The following KAZN variants were observed in gnomAD, a reference collection of about 807,000 sequenced individuals.
KAZN encodes kazrin.
A neutral mutation model predicts 87.4 loss-of-function variants in KAZN; 40 were observed. The ratio of observed to expected loss-of-function variants is 0.46; its 90% CI spans 0.36 to 0.60. The LOEUF (loss-of-function observed/expected upper bound fraction) is 0.60, where lower values mean the gene tolerates loss of function less well. Among genes scored for constraint, KAZN ranks in the 20% least tolerant of loss-of-function variants. KAZN has a pLI of 0.00. For synonymous variants in KAZN, 466 were observed against 458.3 expected (o/e 1.02, Z -0.22); for missense variants, 898 against 1,073.9 (o/e 0.84, Z 2.29).
intron 2 of KAZN, among the ~76,000 whole-genome samples, chr1:14,252,866 A>T (rs1173934277): frequency 6.6e-6 from 1 of 152,124 alleles, no homozygotes; most frequent in African/African-American, 2.4e-5. Context: ...TGTAGACATC[A>T]GGGTTCCAGG....
chr1:14,369,117 G>C (rs1660258777), intron 2 of KAZN, among the ~76,000 whole-genome samples: 2 of 152,190 alleles, frequency 1.3e-5, no homozygotes, highest in Admixed American at 1.3e-4. Context: ...TGTTTCTGCA[G>C]CGTAGCCTCA....
chr1:13,893,498 G>C (rs1638915541), exon 1 of KAZN: 1 of 1,150,528 alleles, frequency 8.7e-7, no homozygotes, highest in African/African-American at 1.6e-5. Context: ...CAAGGAAAGG[G>C]TGGCGAAAGG....
At chr1:14,808,884 C>G (rs1051241580) in intron 1 of KAZN, among the ~76,000 whole-genome samples, 5 of 152,144 alleles carry the variant, frequency 3.3e-5, no homozygotes, top group African/African-American at 1.2e-4. Context: ...TGAATCCTAG[C>G]ACACTGGAGA....
chr1:14,158,396 C>G (rs190403327), intron 1 of KAZN, among the ~76,000 whole-genome samples: 9 of 151,966 alleles, frequency 5.9e-5, no homozygotes, highest in Non-Finnish European at 1.0e-4. Context: ...TTAAAAGACT[C>G]TGATACATTT....
intron 8 of KAZN, among the ~76,000 whole-genome samples, chr1:15,093,568 G>A (rs1288754704): frequency 6.6e-6 from 1 of 152,026 alleles, no homozygotes; most frequent in Non-Finnish European, 1.5e-5. Flanking sequence ...TTTACATAAG[G>A]TAACATAGAC....
At chr1:14,858,285 T>A (rs1262392792) in intron 1 of KAZN, among the ~76,000 whole-genome samples, 3 of 146,762 alleles carry the variant, frequency 2.0e-5, no homozygotes, top group Non-Finnish European at 4.5e-5. Flanking sequence ...CCATCTTGGC[T>A]CACCGCAACC....
At chr1:13,945,546 C>G (rs934379817) in intron 1 of KAZN, among the ~76,000 whole-genome samples, 1 of 150,570 alleles carries the variant, frequency 6.6e-6, no homozygotes, top group African/African-American at 2.4e-5. Context: ...GTTCTGTGCA[C>G]TTTGCTAATA....
chr1:14,881,042 C>T (rs766609725), intron 1 of KAZN, among the ~76,000 whole-genome samples: 8 of 152,190 alleles, frequency 5.3e-5, no homozygotes, highest in Non-Finnish European at 1.0e-4. Context: ...GCTCCTGAGG[C>T]CTCTGTGAAG....
intron 1 of KAZN, among the ~76,000 whole-genome samples, chr1:14,075,077 G>A (rs946683678): frequency 6.6e-6 from 1 of 152,160 alleles, no homozygotes; most frequent in Non-Finnish European, 1.5e-5. Flanking sequence ...AAGATGGGGT[G>A]AGGGGGCTGC....
At chr1:13,975,446 A>G (rs1226444022) in intron 1 of KAZN, among the ~76,000 whole-genome samples, 2 of 152,216 alleles carry the variant, frequency 1.3e-5, no homozygotes, top group East Asian at 3.9e-4. Context: ...TTTCCTCTGC[A>G]CTTAGAACCA....
chr1:14,683,326 C>T (rs1398119140), intron 1 of KAZN, among the ~76,000 whole-genome samples: 4 of 152,142 alleles, frequency 2.6e-5, no homozygotes, highest in Non-Finnish European at 5.9e-5. Context: ...AAAGAAGATG[C>T]GTAGGTCAAA....
At chr1:14,239,687 C>T (rs771202469) in intron 2 of KAZN, among the ~76,000 whole-genome samples, 4 of 151,690 alleles carry the variant, frequency 2.6e-5, no homozygotes, top group Admixed American at 6.6e-5. Flanking sequence ...CTCGAACTCC[C>T]GACCTCAGGT....
At chr1:15,093,120 C>G (rs1428653594) in intron 8 of KAZN, among the ~76,000 whole-genome samples, 2 of 152,008 alleles carry the variant, frequency 1.3e-5, no homozygotes, top group Non-Finnish European at 2.9e-5. Flanking sequence ...AATTACGGAG[C>G]CTCCTTCTGA....
At position 14,924,157 on chromosome 1, in the gene KAZN, G is replaced by A. The variant is rs1275774353; in HGVS notation, c.227-36527G>A. 2.5e-5 allele frequency: 25 copies of A among 982,290 alleles called. 1 individual carries two copies. In the Admixed American group the frequency reaches 1.6e-3, roughly 61 times the overall value. The allele number at this position is 982,290 out of a possible 1,614,324, so 60.8% of individuals were successfully genotyped here. A position where few individuals can be genotyped will look rare whatever the true frequency, so the allele number is the denominator to read the frequency against. ...CCGTTCCCACGTGAGAGGCTCCGCG[G>A]CCGAATTCCTCGCGTGCAGCAGGCG... On this transcript the variant is annotated intron_variant, in intron 1 of 14. Coordinates refer to ENST00000376030, the MANE Select transcript of KAZN (RefSeq NM_201628.3).
chr1:14,085,184 T>C (rs1643817241), intron 1 of KAZN, among the ~76,000 whole-genome samples: 1 of 152,252 alleles, frequency 6.6e-6, no homozygotes, highest in Non-Finnish European at 1.5e-5. Flanking sequence ...CAGTGGTTTG[T>C]AGAAACTATT....
At chr1:14,213,376 C>T (rs942555117) in intron 2 of KAZN, among the ~76,000 whole-genome samples, 9 of 152,134 alleles carry the variant, frequency 5.9e-5, no homozygotes, top group Non-Finnish European at 1.3e-4. Context: ...ATGGAATATG[C>T]CACTGGTGTT....
At chr1:13,947,916 A>T (rs1417884062) in intron 1 of KAZN, among the ~76,000 whole-genome samples, 1 of 151,926 alleles carries the variant, frequency 6.6e-6, no homozygotes, top group Non-Finnish European at 1.5e-5. Context: ...ACACAGTCGC[A>T]CTCTGAGTTA....
intron 2 of KAZN, among the ~76,000 whole-genome samples, chr1:14,553,629 G>T (rs530126051): frequency 1.3e-5 from 2 of 152,176 alleles, no homozygotes; most frequent in Non-Finnish European, 2.9e-5. Context: ...TTGCTGCTCA[G>T]TGCGTGAGCT....
At position 14,598,689 on chromosome 1, in the gene KAZN, T is replaced by G. The variant is rs1277759078; in HGVS notation, c.-309T>G. ...TGCCTGGTGGCGCGCGGTGTCCTTC[T>G]TGGAGCAGCTCTCGGCGCCCGCCCG... is the stretch of plus-strand genomic sequence containing the variant. On this transcript the variant is annotated 5_prime_UTR_variant, in exon 1 of 15. Coordinates refer to ENST00000376030, the MANE Select transcript of KAZN (RefSeq NM_201628.3). This position sits in a 1 kb window ranked among gnomAD's most constrained non-coding sequence, Gnocchi z 4.2. The G allele has an allele frequency of 7.7e-7, 1 of 1,301,528 alleles. No homozygotes were observed. The highest frequency in any genetic ancestry group is 1.6e-5 in the African/African-American group (1 of 63,972). 80.6% of individuals were successfully genotyped at this position (1,301,528 alleles called of 1,614,324 possible). A position where few individuals can be genotyped will look rare whatever the true frequency, so the allele number is the denominator to read the frequency against.
Sources: gnomAD v4.1 joint callset for allele counts (sites outside exome capture counted in the v4.1 genomes callset) on GRCh38, gnomAD v4.1.1 for gene constraint, Gnocchi (gnomAD v3.1) non-coding constraint, MANE v1.5 for transcripts, NCBI Gene and HGNC (gene_info 2026-07-23, HGNC 2026-07-21) for gene names.